ITGA11: variants seen among roughly 807,000 people sequenced by gnomAD.
The protein encoded by ITGA11 is integrin alpha-11.
In ITGA11, 97 loss-of-function variants were observed where a neutral mutation model predicts 141.9. The ratio of observed to expected loss-of-function variants is 0.68; its 90% CI spans 0.58 to 0.81. The LOEUF (loss-of-function observed/expected upper bound fraction) is 0.81, where lower values mean the gene tolerates loss of function less well. Among genes scored for constraint, ITGA11 ranks in the 30% least tolerant of loss-of-function variants. The probability of loss-of-function intolerance (pLI) is 0.00; values close to 1 mark genes in which losing one functional copy is unlikely to be tolerated. For missense variants in ITGA11, 1,387 were observed against 1,559.2 expected (o/e 0.89, Z 1.86); for synonymous variants, 658 against 624.6 (o/e 1.05, Z -0.80).
intron 15 of ITGA11, 149 bp downstream of exon 15, chr15:68,330,832 G>T: frequency 1.2e-6 from 1 of 814,392 alleles, no homozygotes; most frequent in Non-Finnish European, 1.9e-6. Flanking sequence ...AAAAGGAAAT[G>T]TGTAAGCAAG....
chr15:68,329,009 A>T (rs1032536814), intron 15 of ITGA11, among the ~76,000 whole-genome samples: 3 of 152,252 alleles, frequency 2.0e-5, no homozygotes, highest in African/African-American at 7.2e-5. Context: ...ATGAATGTAT[A>T]TAAAAAGAAA....
chr15:68,395,971 A>T (rs991747709), intron 2 of ITGA11, among the ~76,000 whole-genome samples: 2 of 151,954 alleles, frequency 1.3e-5, no homozygotes, highest in African/African-American at 4.8e-5. Context: ...CATTTAAAGA[A>T]GCAATAATAC....
In ITGA11 at chr15:68,298,324, C is replaced by G. The variant is rs897826470; in HGVS notation, c.*4735G>C. On this transcript the variant is annotated 3_prime_UTR_variant, in exon 30 of 30. Coordinates refer to ENST00000315757, the MANE Select transcript of ITGA11 (RefSeq NM_001004439.2). The stretch of plus-strand genomic sequence containing the variant: ...GGGGCGGACTGGGGTTTTGCTTTTG[C>G]CTTAATCAATGGCAAGATACTCTTG... 6.6e-6 allele frequency: 1 copy of G among 152,058 alleles called. No individual in the cohort carries two copies. Among genetic ancestry groups the G allele is most frequent in the Admixed American group, 6.5e-5 (1 of 15,274 alleles). The allele number at this position is 152,058 out of a possible 1,614,324, so 9.4% of individuals were successfully genotyped here.
intron 12 of ITGA11, among the ~76,000 whole-genome samples, chr15:68,334,591 G>A (rs1006282678): frequency 6.6e-6 from 1 of 152,054 alleles, no homozygotes; most frequent in African/African-American, 2.4e-5. Context: ...ATGGGTGGGA[G>A]AGGGAAGAGA....
At chr15:68,380,010 G>T (rs1233759377) in intron 2 of ITGA11, among the ~76,000 whole-genome samples, 1 of 152,182 alleles carries the variant, frequency 6.6e-6, no homozygotes, top group Admixed American at 6.5e-5. Context: ...GGCCAGTGAG[G>T]TGTACACACC....
chr15:68,357,070 G>A, intron 7 of ITGA11, 81 bp downstream of exon 7: 1 of 1,257,072 alleles, frequency 8.0e-7, no homozygotes, highest in Non-Finnish European at 1.1e-6. Context: ...TAAATTTTGT[G>A]GTAGTGTGTT....
chr15:68,397,750 ATT>A (rs1321509481), intron 2 of ITGA11, among the ~76,000 whole-genome samples: 4 of 61,586 alleles, frequency 6.5e-5, no homozygotes, highest in African/African-American at 2.5e-4. Context: ...TATTTAAAAT[ATT>A]ATATTTAAAA....
At chr15:68,390,644 C>G (rs751637214) in intron 2 of ITGA11, among the ~76,000 whole-genome samples, 4 of 152,188 alleles carry the variant, frequency 2.6e-5, no homozygotes, top group Non-Finnish European at 5.9e-5. Flanking sequence ...GCAGGAAGAG[C>G]CTGGGTCAGA....
intron 1 of ITGA11, among the ~76,000 whole-genome samples, chr15:68,413,553 G>A (rs933332145): frequency 1.3e-5 from 2 of 152,216 alleles, no homozygotes; most frequent in African/African-American, 4.8e-5. Context: ...CTAGGGTGGG[G>A]TGATCTGAGT....
At chr15:68,389,973 A>G (rs1352694966) in intron 2 of ITGA11, among the ~76,000 whole-genome samples, 1 of 152,224 alleles carries the variant, frequency 6.6e-6, no homozygotes, top group East Asian at 1.9e-4. Context: ...AACCCACGGA[A>G]TTAATAATTT....
chr15:68,412,368 A>G (rs1896791373), intron 1 of ITGA11, among the ~76,000 whole-genome samples: 1 of 152,144 alleles, frequency 6.6e-6, no homozygotes, highest in Admixed American at 6.5e-5. Flanking sequence ...GTGTGGCCTA[A>G]CGAGCAAATC....
chr15:68,417,195 T>G (rs1242866106), intron 1 of ITGA11, among the ~76,000 whole-genome samples: 1 of 152,206 alleles, frequency 6.6e-6, no homozygotes, highest in Non-Finnish European at 1.5e-5. Flanking sequence ...TTCACTTGGA[T>G]GTCTCATAAC....
At position 68,350,730 on chromosome 15, in the gene ITGA11, T is replaced by C. The variant is rs1011690107; in HGVS notation, c.947A>G (p.Glu316Gly). Residue 316 changes from glutamate to glycine, a missense_variant, in exon 9 of 30, where the codon GAA becomes GGA. By Grantham distance (98) the Glu-to-Gly change is moderately conservative. Coordinates refer to ENST00000315757, the MANE Select transcript of ITGA11 (RefSeq NM_001004439.2). ...RGINPETFLN[E>G]IKYIASDPDD... is the part of the protein sequence containing the mutation. ...AGGGTCACTGGCGATGTATTTGATT[T>C]CATTTAGAAAAGTTTCTGGATTGAT... The C allele has an allele frequency of 3.1e-6, 5 of 1,613,816 alleles. No homozygotes were observed. The African/African-American group carries it at 6.7e-5, about 22-fold the overall frequency.
At chr15:68,337,428 C>T (rs1327575482) in intron 11 of ITGA11, among the ~76,000 whole-genome samples, 3 of 152,160 alleles carry the variant, frequency 2.0e-5, no homozygotes, top group Non-Finnish European at 4.4e-5. Context: ...CTGTAGGGCT[C>T]CTCTCCCTTG....
At chr15:68,377,352 A>T (rs1595883975) in intron 2 of ITGA11, among the ~76,000 whole-genome samples, 1 of 151,994 alleles carries the variant, frequency 6.6e-6, no homozygotes, top group Admixed American at 6.6e-5. Context: ...GCTCACTGCA[A>T]CCTCCACCCC....
intron 1 of ITGA11, among the ~76,000 whole-genome samples, chr15:68,423,660 T>C (rs894740220): frequency 3.9e-5 from 6 of 152,140 alleles, no homozygotes; most frequent in Non-Finnish European, 7.3e-5. Context: ...AAGACAACTC[T>C]GTTTGTTTTT....
chr15:68,409,217 G>A (rs1356561949), intron 1 of ITGA11, among the ~76,000 whole-genome samples: 1 of 152,056 alleles, frequency 6.6e-6, no homozygotes, highest in Admixed American at 6.5e-5. Context: ...CCTTCCTCTG[G>A]GGCCTTCAGC....
rs757193443 is a variant in ITGA11 at position 68,315,718 on chromosome 15, G to A, written c.2725C>T (p.Arg909Cys). ...FFRAKAKVAFRLDFEFSKSIF... is the reference protein window; with the variant it reads ...FFRAKAKVAFCLDFEFSKSIF... ...GATTTGCTGAACTCAAAATCAAGAC[G>A]GAAAGCCACCTGCAAGGAAGCAGTC... Residue 909 changes from arginine to cysteine, a missense_variant, in exon 22 of 30, where the codon CGT becomes TGT. By Grantham distance (180) the Arg-to-Cys change is radical. Transcript: ENST00000315757. 1.1e-5 allele frequency: 17 copies of A among 1,611,438 alleles called. No homozygotes were observed. The highest frequency in any genetic ancestry group is 9.9e-5 in the South Asian group (9 of 90,612).
intron 2 of ITGA11, among the ~76,000 whole-genome samples, chr15:68,379,309 C>G (rs1286504474): frequency 6.6e-6 from 1 of 152,222 alleles, no homozygotes; most frequent in Non-Finnish European, 1.5e-5. Context: ...CCTTCAATTC[C>G]TATGAAGCTT....
Sources: allele counts gnomAD v4.1 joint callset (sites outside exome capture counted in the v4.1 genomes callset), GRCh38; gene constraint gnomAD v4.1.1; transcripts MANE v1.5; gene names NCBI Gene and HGNC (gene_info 2026-07-23, HGNC 2026-07-21).